KDM4C: variants seen among roughly 807,000 people sequenced by gnomAD.
KDM4C encodes lysine demethylase 4C.
In KDM4C, 81 loss-of-function variants were observed where a neutral mutation model predicts 129.3. That is an observed-to-expected ratio of 0.63 (90% confidence interval 0.52 to 0.75). The LOEUF is 0.75. Among genes scored for constraint, KDM4C ranks in the 30% least tolerant of loss-of-function variants. The probability of loss-of-function intolerance (pLI) is 0.00; values close to 1 mark genes in which losing one functional copy is unlikely to be tolerated. For missense variants in KDM4C, 1,457 were observed against 1,304.0 expected (o/e 1.12, Z -1.81); for synonymous variants, 573 against 456.1 (o/e 1.26, Z -3.26).
intron 6 of KDM4C, among the ~76,000 whole-genome samples, chr9:6,887,453 T>C (rs980221295): frequency 2.0e-5 from 3 of 152,210 alleles, no homozygotes; most frequent in African/African-American, 7.2e-5. Context: ...AGGAGATTAG[T>C]AGCAATTAGT....
chr9:6,827,464 G>A (rs1834082519), intron 4 of KDM4C, among the ~76,000 whole-genome samples: 1 of 152,198 alleles, frequency 6.6e-6, no homozygotes, highest in African/African-American at 2.4e-5. Flanking sequence ...ACACCAAGGT[G>A]TTAGACATAG....
chr9:6,917,092 T>C (rs986080431), intron 8 of KDM4C, among the ~76,000 whole-genome samples: 1 of 152,202 alleles, frequency 6.6e-6, no homozygotes, highest in Non-Finnish European at 1.5e-5. Flanking sequence ...ATTATTTTCA[T>C]TGGCAGGAGT....
intron 17 of KDM4C, among the ~76,000 whole-genome samples, chr9:7,089,326 C>T (rs906121425): frequency 2.1e-4 from 32 of 152,086 alleles, no homozygotes; most frequent in Admixed American, 2.0e-3. Flanking sequence ...TACAGAGCAC[C>T]ATAGTGGCAC....
chr9:6,823,258 T>C (rs1833331880), intron 4 of KDM4C, among the ~76,000 whole-genome samples: 1 of 152,194 alleles, frequency 6.6e-6, no homozygotes, highest in African/African-American at 2.4e-5. Flanking sequence ...AAATGCCTCA[T>C]AGCATAACAT....
intron 8 of KDM4C, among the ~76,000 whole-genome samples, chr9:6,937,526 A>G (rs931045775): frequency 6.6e-6 from 1 of 151,996 alleles, no homozygotes; most frequent in African/African-American, 2.4e-5. Context: ...TTTTATTGTA[A>G]TCTTACATCT....
At chr9:6,980,333 G>A (rs1816547967) in intron 8 of KDM4C, among the ~76,000 whole-genome samples, 1 of 152,070 alleles carries the variant, frequency 6.6e-6, no homozygotes, top group African/African-American at 2.4e-5. Context: ...TTTACCCCAT[G>A]TCTTCATTTT....
At chr9:6,755,809 T>C (rs1371754793), upstream of KDM4C, among the ~76,000 whole-genome samples, 3 of 152,198 alleles carry the variant, frequency 2.0e-5, no homozygotes, top group African/African-American at 7.2e-5. Flanking sequence ...CTGCCCTCAG[T>C]GCCATGAGTC....
chr9:6,827,690 C>T (rs181676200), intron 4 of KDM4C, among the ~76,000 whole-genome samples: 2 of 152,294 alleles, frequency 1.3e-5, no homozygotes, highest in South Asian at 2.1e-4. Context: ...AATAACAAAT[C>T]GTTCAAAGCC....
intron 2 of KDM4C, among the ~76,000 whole-genome samples, chr9:6,804,606 A>C (rs1186593765): frequency 6.6e-6 from 1 of 151,858 alleles, no homozygotes; most frequent in East Asian, 2.0e-4. Flanking sequence ...AAAAATACAA[A>C]AATTAGCTGG....
chr9:7,011,827 C>G lies in KDM4C; in HGVS notation c.1916C>G (p.Ala639Gly). Reference protein sequence around the residue: ...AAEQEYNATVARMKPHCAICT... With the variant: ...AAEQEYNATVGRMKPHCAICT... ...GAGCAAGAGTATAATGCAACAGTGG[C>G]CAGGATGAAGCCACACTGTGCCATC... is the stretch of plus-strand genomic sequence containing the variant. The change falls in exon 13 of 22, where the codon GCC (alanine) becomes GGC (glycine). Residue 639 changes from alanine to glycine, a missense_variant. Ala to Gly is a moderately conservative substitution (Grantham distance 60). Transcript: ENST00000381309. 1 of 1,613,986 alleles carries G rather than the reference C, an allele frequency of 6.2e-7. No homozygotes were observed. The highest frequency in any genetic ancestry group is 8.5e-7 in the Non-Finnish European group (1 of 1,179,936).
intron 17 of KDM4C, among the ~76,000 whole-genome samples, chr9:7,061,711 G>A (rs770734039): frequency 5.3e-5 from 8 of 152,126 alleles, no homozygotes; most frequent in African/African-American, 1.9e-4. Flanking sequence ...TCCCAATATC[G>A]ACTCTACCCT....
intron 6 of KDM4C, among the ~76,000 whole-genome samples, chr9:6,884,504 G>A (rs928862404): frequency 6.6e-6 from 1 of 151,918 alleles, no homozygotes. Flanking sequence ...TATTTTTCAA[G>A]CCTCATACCA....
chr9:6,776,720 A>G (rs1345929239), intron 1 of KDM4C, among the ~76,000 whole-genome samples: 1 of 149,958 alleles, frequency 6.7e-6, no homozygotes, highest in East Asian at 2.0e-4. Flanking sequence ...TTCTTGTCTC[A>G]GCCTCCGAGT....
chr9:6,834,971 C>G, intron 4 of KDM4C: 2 of 997,206 alleles, frequency 2.0e-6, no homozygotes, highest in Admixed American at 3.4e-5. Context: ...TGCCCTCCCC[C>G]ACACCATCCT....
At chr9:7,140,520 T>C (rs1478752038) in intron 19 of KDM4C, among the ~76,000 whole-genome samples, 2 of 152,228 alleles carry the variant, frequency 1.3e-5, no homozygotes, top group African/African-American at 4.8e-5. Context: ...TGGGGAAGGC[T>C]AATGCTTCCC....
chr9:7,015,832 A>G, intron 14 of KDM4C, 21 bp from the exon 15 acceptor site: 1 of 1,545,120 alleles, frequency 6.5e-7, no homozygotes, highest in Non-Finnish European at 8.9e-7. Flanking sequence ...TAACGCATGG[A>G]TACATACTAT....
chr9:6,954,744 C>G (rs978444189), intron 8 of KDM4C, among the ~76,000 whole-genome samples: 4 of 152,162 alleles, frequency 2.6e-5, no homozygotes, highest in African/African-American at 9.7e-5. Context: ...AGAGTGAAAG[C>G]CAGTAACTAT....
chr9:6,865,223 T>C (rs749130290), intron 5 of KDM4C, among the ~76,000 whole-genome samples: 2 of 152,160 alleles, frequency 1.3e-5, no homozygotes, highest in Admixed American at 6.5e-5. Flanking sequence ...TTTGCCAGGA[T>C]GGTCTCGATC....
chr9:7,072,391 A>G (rs535522058), intron 17 of KDM4C, among the ~76,000 whole-genome samples: 10 of 152,308 alleles, frequency 6.6e-5, no homozygotes, highest in African/African-American at 2.4e-4. Flanking sequence ...TCAACTGGGG[A>G]ATGAATTCTC....
Sources: allele counts gnomAD v4.1 joint callset (sites outside exome capture counted in the v4.1 genomes callset), GRCh38; gene constraint gnomAD v4.1.1; transcripts MANE v1.5; gene names NCBI Gene and HGNC (gene_info 2026-07-23, HGNC 2026-07-21).